CTNNA3: variants seen among roughly 807,000 people sequenced by gnomAD.
The protein encoded by CTNNA3 is catenin alpha 3, also known as catenin alpha-3.
Under a neutral mutation model 95.7 loss-of-function variants are expected in CTNNA3, and 76 were observed. That is an observed-to-expected ratio of 0.79 (90% CI 0.66 to 0.96). CTNNA3 has a LOEUF of 0.96. Ranked by LOEUF, CTNNA3 falls within the 40% of genes least tolerant of loss-of-function variation. CTNNA3 has a pLI of 0.00. For synonymous variants in CTNNA3, 431 were observed against 374.4 expected, an observed-to-expected ratio of 1.15 and a Z score of -1.74; for missense variants, 1,191 against 1,089.8, an observed-to-expected ratio of 1.09 and a Z score of -1.31.
At chr10:66,894,294 C>T (rs2132502812) in intron 7 of CTNNA3, among the ~76,000 whole-genome samples, 1 of 152,152 alleles carries the variant, frequency 6.6e-6, no homozygotes, top group South Asian at 2.1e-4. Context: ...GGGAACAATA[C>T]CGGAAACCAT....
At chr10:67,714,793 G>C (rs887776223) in intron 1 of CTNNA3, among the ~76,000 whole-genome samples, 8 of 152,144 alleles carry the variant, frequency 5.3e-5, no homozygotes, top group African/African-American at 1.7e-4. Flanking sequence ...ACTGAATCAT[G>C]GGGACAGGTC....
chr10:66,429,274 C>CA (rs1478667319), intron 11 of CTNNA3, among the ~76,000 whole-genome samples: 1 of 151,738 alleles, frequency 6.6e-6, no homozygotes, highest in Non-Finnish European at 1.5e-5. Flanking sequence ...AGCTTACCAA[C>CA]AAAAAAAGTC....
intron 7 of CTNNA3, among the ~76,000 whole-genome samples, chr10:67,133,328 TAC>T (rs1554928688): frequency 2.8e-5 from 3 of 105,340 alleles, no homozygotes; most frequent in Non-Finnish European, 5.9e-5. Flanking sequence ...TATATATTTA[TAC>T]ACACACACAC....
chr10:67,044,170 CACTTATAAGTG>C, intron 7 of CTNNA3, among the ~76,000 whole-genome samples: 1 of 152,070 alleles, frequency 6.6e-6, no homozygotes, highest in South Asian at 2.1e-4. Context: ...GGCTAGCTCT[CACTTATAAGTG>C]AGAACATGTA....
At chr10:66,239,490 T>C (rs923518306) in intron 13 of CTNNA3, among the ~76,000 whole-genome samples, 1 of 151,918 alleles carries the variant, frequency 6.6e-6, no homozygotes. Flanking sequence ...TCAGAAACTG[T>C]GTTGAAAAAG....
intron 5 of CTNNA3, among the ~76,000 whole-genome samples, chr10:67,259,612 A>G (rs771970133): frequency 1.3e-5 from 2 of 152,210 alleles, no homozygotes; most frequent in Non-Finnish European, 2.9e-5. Flanking sequence ...CTTACACTGT[A>G]AAATATACGT....
At chr10:66,331,342 GT>G (rs60709020) in intron 12 of CTNNA3, among the ~76,000 whole-genome samples, 2,247 of 79,878 alleles carry the variant, frequency 0.028, 238 homozygotes, top group South Asian at 0.04. Context: ...CCCATTGTTT[GT>G]TTTTTTTTTT....
At chr10:66,392,191 G>A (rs573822867) in intron 11 of CTNNA3, among the ~76,000 whole-genome samples, 6 of 152,220 alleles carry the variant, frequency 3.9e-5, no homozygotes, top group African/African-American at 1.4e-4. Flanking sequence ...AGCACTTTGG[G>A]AGGCTGAGGA....
chr10:67,503,475 C>A (rs1839297478), intron 5 of CTNNA3, among the ~76,000 whole-genome samples: 2 of 152,096 alleles, frequency 1.3e-5, no homozygotes, highest in Non-Finnish European at 2.9e-5. Context: ...TGTGTGATTT[C>A]TCTCTTTCGT....
intron 5 of CTNNA3, among the ~76,000 whole-genome samples, chr10:67,481,180 G>A (rs1349266459): frequency 6.6e-6 from 1 of 152,120 alleles, no homozygotes; most frequent in African/African-American, 2.4e-5. Flanking sequence ...CATACTGAAT[G>A]AGCAAAAGCT....
chr10:66,814,258 G>C (rs1841992510), intron 7 of CTNNA3, among the ~76,000 whole-genome samples: 1 of 70,230 alleles, frequency 1.4e-5, no homozygotes, highest in Admixed American at 1.9e-4. Flanking sequence ...TTAAAGTAAA[G>C]GAGGAAAGAA....
At chr10:67,705,620 G>A (rs1841073557) in intron 1 of CTNNA3, among the ~76,000 whole-genome samples, 1 of 122,036 alleles carries the variant, frequency 8.2e-6, no homozygotes, top group Non-Finnish European at 1.6e-5. Flanking sequence ...ACACTCTGGG[G>A]ACTGTTGTGG....
intron 1 of CTNNA3, among the ~76,000 whole-genome samples, chr10:67,664,671 G>A (rs1198132019): frequency 4.0e-5 from 6 of 151,676 alleles, no homozygotes; most frequent in Admixed American, 3.3e-4. Flanking sequence ...TGAATTTCAT[G>A]TAGCCTTATA....
At chr10:67,179,731 G>A (rs757416406) in intron 7 of CTNNA3, among the ~76,000 whole-genome samples, 12 of 152,010 alleles carry the variant, frequency 7.9e-5, no homozygotes, top group Non-Finnish European at 1.3e-4. Flanking sequence ...GGAGGCTGAG[G>A]TAGAAGGATC....
chr10:66,668,936 G>A lies in CTNNA3; in HGVS notation c.1282-47152C>T, dbSNP rs189634955. Reference sequence around the variant, plus strand: ...CACAATGACTACTTGGATAAAAACTGGATTACCAAATTATCTAAATGAGCC... The same window carrying A: ...CACAATGACTACTTGGATAAAAACTAGATTACCAAATTATCTAAATGAGCC... On this transcript the variant is annotated intron_variant, in intron 9 of 17. Transcript: ENST00000433211. Among the ~76,000 whole-genome samples the A allele has an allele frequency of 5.3e-5, 8 of 152,090 alleles. No individual in the cohort carries two copies. The East Asian group carries it at 1.5e-3, about 29-fold the overall frequency.
intron 10 of CTNNA3, among the ~76,000 whole-genome samples, chr10:66,556,732 A>G (rs868530064): frequency 2.0e-5 from 3 of 152,070 alleles, no homozygotes; most frequent in African/African-American, 7.2e-5. Context: ...GGTGGGGGAA[A>G]TAGAGGAACA....
At chr10:67,732,042 A>C (rs1841277906) in intron 1 of CTNNA3, among the ~76,000 whole-genome samples, 1 of 150,812 alleles carries the variant, frequency 6.6e-6, no homozygotes. Flanking sequence ...GGCCTCCCAA[A>C]GTGCTGAGAT....
At chr10:66,778,771 T>C (rs1840412520) in intron 7 of CTNNA3, among the ~76,000 whole-genome samples, 1 of 150,862 alleles carries the variant, frequency 6.6e-6, no homozygotes, top group Admixed American at 6.6e-5. Flanking sequence ...AGGTCAGGAG[T>C]TCAAGACCAG....
At chr10:66,066,384 G>A (rs2080313624) in intron 15 of CTNNA3, among the ~76,000 whole-genome samples, 1 of 152,126 alleles carries the variant, frequency 6.6e-6, no homozygotes. Flanking sequence ...TGTTATATAT[G>A]TTTGTATTAT....
Sources: gnomAD v4.1 joint callset for allele counts (sites outside exome capture counted in the v4.1 genomes callset) on GRCh38, gnomAD v4.1.1 for gene constraint, MANE v1.5 for transcripts, NCBI Gene and HGNC (gene_info 2026-07-23, HGNC 2026-07-21) for gene names.